RNF123: variants seen among roughly 807,000 people sequenced by gnomAD.
RNF123 encodes the protein ring finger protein 123.
Under a neutral mutation model 168.5 loss-of-function variants are expected in RNF123, and 86 were observed. The observed-to-expected ratio is 0.51, with a 90% CI of 0.43 to 0.61. RNF123 has a LOEUF of 0.61. Ranked by LOEUF, RNF123 falls within the 20% of genes least tolerant of loss-of-function variation. The probability of loss-of-function intolerance (pLI) is 0.00; values close to 1 mark genes in which losing one functional copy is unlikely to be tolerated. For missense variants in RNF123, 1,419 were observed against 1,729.7 expected (o/e 0.82, Z 3.19); for synonymous variants, 666 against 689.1 (o/e 0.97, Z 0.52).
Position 49,715,897 on chromosome 3 carries a change from G to T in RNF123, c.3226G>T (p.Asp1076Tyr). ...GCTCAAGGTATGTGCCACCTGCTTT[G>T]ACCTCTCGGTCAGCCTGCTGCGTGT... ...RQLKVCATCF[D>Y]LSVSLLRVLE... is the part of the protein sequence containing the mutation. The change falls in exon 33 of 39, where the codon GAC becomes TAC. Residue 1076 changes from aspartate (D) to tyrosine (Y), a missense_variant. By Grantham distance (160) the Asp-to-Tyr change is radical. This residue lies in a region of RNF123 where 538 missense variants were observed against 708.8 expected (regional missense o/e 0.76). Transcript: ENST00000327697. 6.2e-7 allele frequency: 1 copy of T among 1,614,088 alleles called. No individual in the cohort carries two copies. The highest frequency in any genetic ancestry group is 1.1e-5 in the South Asian group (1 of 91,074).
intron 3 of RNF123, among the ~76,000 whole-genome samples, chr3:49,696,442 A>C: frequency 6.7e-6 from 1 of 148,776 alleles, no homozygotes; most frequent in Non-Finnish European, 1.5e-5. Context: ...TCCGCCTCCC[A>C]GGTTCAAGCA....
chr3:49,718,211 A>T (rs1211646486), intron 35 of RNF123: 1 of 1,610,728 alleles, frequency 6.2e-7, no homozygotes, highest in Non-Finnish European at 8.5e-7. Context: ...GTTTGGGGCC[A>T]GCGGCGGCAG....
Position 49,698,082 on chromosome 3 carries a change from C to T in RNF123, c.428C>T (p.Ser143Phe), listed in dbSNP as rs780173525. ...TGGCTCTACGAGGTCCTCATCTCCTCCCAGGGGCTCATGCAGATCGGCTGG... is the reference window on the plus strand; with the variant it reads ...TGGCTCTACGAGGTCCTCATCTCCTTCCAGGGGCTCATGCAGATCGGCTGG... ...GKWLYEVLIS[S>F]QGLMQIGWCT... The change falls in exon 7 of 39, where the codon TCC becomes TTC. Residue 143 changes from serine (S) to phenylalanine (F), a missense_variant. Around this residue, in one of 5 missense-constraint regions of RNF123, gnomAD observed 318 missense variants for 446.6 expected, o/e 0.71. Coordinates refer to ENST00000327697, the MANE Select transcript of RNF123 (RefSeq NM_022064.5). 1.2e-6 allele frequency: 2 copies of T among 1,614,104 alleles called. No individual in the cohort carries two copies. The highest frequency in any genetic ancestry group is 2.2e-5 in the South Asian group (2 of 91,078).
chr3:49,699,180 A>G lies in RNF123; in HGVS notation c.764+75A>G. The G allele has an allele frequency of 6.5e-7, 1 of 1,549,502 alleles. No individual in the cohort carries two copies. The highest frequency in any genetic ancestry group is 1.9e-5 in the Admixed American group (1 of 53,996). On this transcript the variant is annotated intron_variant, in intron 10 of 38. Transcript: ENST00000327697. The surrounding 1 kb of genome is among the most constrained non-coding windows in gnomAD (Gnocchi z 4.8). ...GCTGGGATGAGGGGCTCCCTACCCCAGGGGTGCCATGGGCTGGTGGCAGGC... is the reference window on the plus strand; with the variant it reads ...GCTGGGATGAGGGGCTCCCTACCCCGGGGGTGCCATGGGCTGGTGGCAGGC...
intron 35 of RNF123, chr3:49,718,010 G>A (rs918292928): frequency 1.9e-6 from 3 of 1,613,556 alleles, no homozygotes; most frequent in Non-Finnish European, 2.5e-6. Flanking sequence ...CCAGCCTTCA[G>A]CTGCAGGCCT....
intron 22 of RNF123, 63 bp downstream of exon 22, chr3:49,704,819 G>A (rs1575529421): frequency 5.4e-6 from 8 of 1,472,686 alleles, no homozygotes; most frequent in African/African-American, 2.8e-5. Context: ...TATGGGCAGG[G>A]GTCTCATCCA....
At chr3:49,716,236 A>G in intron 34 of RNF123, 59 bp downstream of exon 34, 1 of 1,589,388 alleles carries the variant, frequency 6.3e-7, no homozygotes, top group South Asian at 1.1e-5. Flanking sequence ...CTCTGCTAGG[A>G]ACAGTGAGGC....
Position 49,697,599 on chromosome 3 carries a change from G to A in RNF123, c.342+142G>A, listed in dbSNP as rs1197188937. ...TCCTGACGTGGCCCCAGACCATTGT[G>A]TTCTCAGTCCTCAAACTCTCCCACT... On this transcript the variant is annotated intron_variant, in intron 5 of 38. Transcript: ENST00000327697. 8 of 705,674 alleles carry A rather than the reference G, an allele frequency of 1.1e-5. No homozygotes were observed. In the South Asian group the frequency reaches 1.3e-4, roughly 11 times the overall value. The allele number at this position is 705,674 out of a possible 1,614,324, so 43.7% of individuals were successfully genotyped here. A position where few individuals can be genotyped will look rare whatever the true frequency, so the allele number is the denominator to read the frequency against.
chr3:49,694,801 T>TGA (rs1404247477), intron 3 of RNF123, among the ~76,000 whole-genome samples: 5 of 150,988 alleles, frequency 3.3e-5, no homozygotes, highest in Non-Finnish European at 7.4e-5. Flanking sequence ...AGTCCTGGCC[T>TGA]GTTCTCAGAG....
rs2080180652 is a variant in RNF123, at chr3:49,713,460, T to C, written c.2675-53T>C. 4.6e-6 allele frequency: 7 copies of C among 1,533,072 alleles called. No individual in the cohort carries two copies. The South Asian group carries it at 5.9e-5, about 13-fold the overall frequency. 95.0% of individuals were successfully genotyped at this position (1,533,072 alleles called of 1,614,324 possible). A position where few individuals can be genotyped will look rare whatever the true frequency, so the allele number is the denominator to read the frequency against. On this transcript the variant is annotated intron_variant, in intron 27 of 38. Transcript: ENST00000327697. ...AGTCCACCCACCCTGCTGACATGCC[T>C]GCCTCTGGAGCCCCCACTCCCAGCC...
At chr3:49,713,471 C>A (rs749566682) in intron 27 of RNF123, 42 bp from the exon 28 acceptor site, 2 of 1,552,758 alleles carry the variant, frequency 1.3e-6, no homozygotes, top group South Asian at 2.3e-5. Flanking sequence ...GCCTCTGGAG[C>A]CCCCACTCCC....
chr3:49,718,227 G>A (rs1332693005), intron 35 of RNF123: 3 of 1,611,766 alleles, frequency 1.9e-6, no homozygotes, highest in Non-Finnish European at 2.5e-6. Flanking sequence ...GGCAGCGGCA[G>A]GCACGGCGGC....
In RNF123 at chr3:49,721,379, C is replaced by G. The variant is rs1221078650; in HGVS notation, c.*74C>G. ...CAGGCTGGGCCCTATTTATGAGCTC[C>G]CTTTGCCCTTCTCCTGTATCCCACA... On this transcript the variant is annotated 3_prime_UTR_variant, in exon 39 of 39. Coordinates refer to ENST00000327697, the MANE Select transcript of RNF123 (RefSeq NM_022064.5). 6.3e-7 allele frequency: 1 copy of G among 1,591,294 alleles called. No individual in the cohort carries two copies. Among genetic ancestry groups the G allele is most frequent in the Non-Finnish European group, 8.6e-7 (1 of 1,159,666 alleles).
rs2054328606 is a variant in RNF123, at chr3:49,699,305, G to A, written c.765-163G>A. On this transcript the variant is annotated intron_variant, in intron 10 of 38. Coordinates refer to ENST00000327697, the MANE Select transcript of RNF123 (RefSeq NM_022064.5). The surrounding 1 kb of genome is among the most constrained non-coding windows in gnomAD (Gnocchi z 4.8). ...TGGGTGCCCTTGTCTCCACTGAACA[G>A]ATGAGGAATGTGAAGCATCCTCCCT... is the stretch of plus-strand genomic sequence containing the variant. 1.3e-5 allele frequency among the ~76,000 whole-genome samples: 2 copies of A among 152,120 alleles called. No individual in the cohort carries two copies. Among genetic ancestry groups the A allele is most frequent in the Admixed American group, 1.3e-4 (2 of 15,290 alleles).
chr3:49,718,394 G>T, intron 35 of RNF123: 2 of 1,613,212 alleles, frequency 1.2e-6, no homozygotes, highest in Non-Finnish European at 1.7e-6. Context: ...TGGTGCAGGC[G>T]GGGCCCAGTG....
At chr3:49,718,141 T>G in intron 35 of RNF123, 1 of 1,613,228 alleles carries the variant, frequency 6.2e-7, no homozygotes, top group Non-Finnish European at 8.5e-7. Flanking sequence ...GCTGGGTGCG[T>G]CTGGCGGTGT....
chr3:49,720,504 T>TACC lies in RNF123; in HGVS notation c.3501-6_3501-4dup. 6.4e-7 allele frequency: 1 copy of TACC among 1,555,504 alleles called. No individual in the cohort carries two copies. The highest frequency in any genetic ancestry group is 1.2e-5 in the South Asian group (1 of 82,650). ...TTCTGACTGCCCTTGCACCCTCCCC[T>TACC]ACCTAGGAGAGAGCAAGCCACATCA... On this transcript the variant is annotated splice_region_variant and splice_polypyrimidine_tract_variant and intron_variant, in intron 35 of 38. Coordinates refer to ENST00000327697, the MANE Select transcript of RNF123 (RefSeq NM_022064.5).
In RNF123 at chr3:49,715,899, C is replaced by T. The variant is rs1428214163; in HGVS notation, c.3228C>T (p.Asp1076=). 1 of 1,614,002 alleles carries T rather than the reference C, an allele frequency of 6.2e-7. No individual in the cohort carries two copies. The highest frequency in any genetic ancestry group is 8.5e-7 in the Non-Finnish European group (1 of 1,180,054). ...RQLKVCATCF[D]LSVSLLRVLE... ...TCAAGGTATGTGCCACCTGCTTTGA[C>T]CTCTCGGTCAGCCTGCTGCGTGTCT... The change falls in exon 33 of 39, where the codon GAC becomes GAT. Residue 1076 remains aspartate, a synonymous_variant. Transcript: ENST00000327697.
At position 49,715,591 on chromosome 3, in the gene RNF123, C is replaced by T. The variant is rs372982898; in HGVS notation, c.3027C>T (p.Thr1009=). 4 of 1,613,978 alleles carry T rather than the reference C, an allele frequency of 2.5e-6. No individual in the cohort carries two copies. The African/African-American group carries it at 5.3e-5, about 22-fold the overall frequency. ...LPSLQKPCPS[T]LLQQHMADLL... ...CCCCTGCAGAGCCCTGCCCTTCCAC[C>T]CTGCTGCAGCAGCACATGGCGGACC... is the stretch of plus-strand genomic sequence containing the variant. The change falls in exon 32 of 39, where the codon ACC becomes ACT. Residue 1009 remains threonine (T), a synonymous_variant. Coordinates refer to ENST00000327697, the MANE Select transcript of RNF123 (RefSeq NM_022064.5).
Sources: gnomAD v4.1 joint callset for allele counts (sites outside exome capture counted in the v4.1 genomes callset) on GRCh38, gnomAD v4.1.1 for gene constraint, gnomAD v4.1.1 regional missense constraint, Gnocchi (gnomAD v3.1) non-coding constraint, MANE v1.5 for transcripts, NCBI Gene and HGNC (gene_info 2026-07-23, HGNC 2026-07-21) for gene names.